Variants in IQGAP2 observed in about 807,000 individuals in gnomAD.
IQGAP2 encodes the protein IQ motif containing GTPase activating protein 2, also known as ras GTPase-activating-like protein IQGAP2.
Under a neutral mutation model 201.3 loss-of-function variants are expected in IQGAP2, and 173 were observed. The observed-to-expected ratio is 0.86, with a 90% CI of 0.76 to 0.98. The LOEUF (loss-of-function observed/expected upper bound fraction) is 0.98, where lower values mean the gene tolerates loss of function less well. Among genes scored for constraint, IQGAP2 ranks in the 50% least tolerant of loss-of-function variants. The probability of loss-of-function intolerance (pLI) is 0.00; values close to 1 mark genes in which losing one functional copy is unlikely to be tolerated. For missense variants in IQGAP2, 1,687 were observed against 1,864.8 expected (o/e 0.90, Z 1.76); for synonymous variants, 675 against 673.9 (o/e 1.00, Z -0.03).
intron 16 of IQGAP2, among the ~76,000 whole-genome samples, chr5:76,637,573 T>C (rs1751247709): frequency 6.6e-6 from 1 of 152,198 alleles, no homozygotes. Context: ...CAAACCAAAA[T>C]GTCATTTTTT....
At chr5:76,650,867 T>C (rs758596551) in intron 17 of IQGAP2, among the ~76,000 whole-genome samples, 13 of 152,226 alleles carry the variant, frequency 8.5e-5, no homozygotes, top group Non-Finnish European at 1.5e-4. Context: ...AACATTTTAC[T>C]GGATGCACAA....
At chr5:76,557,790 G>T (rs1744048229) in intron 2 of IQGAP2, among the ~76,000 whole-genome samples, 1 of 152,124 alleles carries the variant, frequency 6.6e-6, no homozygotes, top group Non-Finnish European at 1.5e-5. Flanking sequence ...TTTGCTATCA[G>T]TGTTTTATTT....
chr5:76,664,471 G>T (rs144092693), intron 21 of IQGAP2, among the ~76,000 whole-genome samples: 1 of 152,118 alleles, frequency 6.6e-6, no homozygotes, highest in African/African-American at 2.4e-5. Flanking sequence ...GATCAAGAGG[G>T]CAGGAGATCG....
rs553154801 is a variant in IQGAP2 at position 76,703,619 on chromosome 5, A to G, written c.4614+1029A>G. Among the ~76,000 whole-genome samples the G allele has an allele frequency of 2.2e-3, 332 of 149,466 alleles. 1 individual carries two copies. Among genetic ancestry groups the G allele is most frequent in the African/African-American group, 8.0e-3 (320 of 40,110 alleles). On this transcript the variant is annotated intron_variant, in intron 35 of 35. Transcript: ENST00000274364. ...TAAGAGCCACATTTAAGCCAAATACACGTAAATGAAAACCGAGAAATCCAG... is the reference window on the plus strand; with the variant it reads ...TAAGAGCCACATTTAAGCCAAATACGCGTAAATGAAAACCGAGAAATCCAG...
intron 1 of IQGAP2, among the ~76,000 whole-genome samples, chr5:76,440,109 A>G (rs1752946736): frequency 6.6e-6 from 1 of 152,228 alleles, no homozygotes; most frequent in African/African-American, 2.4e-5. Context: ...TTCATTTATG[A>G]AGCTTAGTTT....
At chr5:76,676,002 G>C (rs1744773950) in intron 27 of IQGAP2, among the ~76,000 whole-genome samples, 1 of 151,750 alleles carries the variant, frequency 6.6e-6, no homozygotes, top group Non-Finnish European at 1.5e-5. Flanking sequence ...GATCACTTGA[G>C]CCTTGGAGGT....
chr5:76,651,188 A>G (rs456708), intron 17 of IQGAP2, among the ~76,000 whole-genome samples: 76,199 of 152,034 alleles, frequency 0.5, 19,539 homozygotes, highest in Non-Finnish European at 0.56. Flanking sequence ...GACATTTTTT[A>G]TGGAAATTTG....
intron 2 of IQGAP2, among the ~76,000 whole-genome samples, chr5:76,523,865 C>T (rs1412519191): frequency 6.6e-6 from 1 of 152,062 alleles, no homozygotes; most frequent in African/African-American, 2.4e-5. Flanking sequence ...CATCCTGATT[C>T]GGGTGATTAT....
At chr5:76,627,079 T>G (rs1750311839) in intron 13 of IQGAP2, among the ~76,000 whole-genome samples, 1 of 152,120 alleles carries the variant, frequency 6.6e-6, no homozygotes, top group African/African-American at 2.4e-5. Flanking sequence ...TGCACTGAGC[T>G]ATCTATTTTG....
At chr5:76,461,049 T>TTC (rs1438279634) in intron 1 of IQGAP2, among the ~76,000 whole-genome samples, 2 of 151,802 alleles carry the variant, frequency 1.3e-5, no homozygotes, top group African/African-American at 4.8e-5. Context: ...TGGCTAATTT[T>TTC]TTGTATTTTT....
At chr5:76,702,456 A>G (rs376268244) in intron 34 of IQGAP2, 26 bp from the exon 35 acceptor site, 4 of 1,025,584 alleles carry the variant, frequency 3.9e-6, no homozygotes, top group Admixed American at 3.5e-5. Context: ...GTAATTTCTC[A>G]TGTATGAATG....
At chr5:76,674,345 G>A (rs1201351917) in intron 26 of IQGAP2, 132 bp from the exon 27 acceptor site, 2 of 613,062 alleles carry the variant, frequency 3.3e-6, no homozygotes, top group Non-Finnish European at 5.8e-6. Flanking sequence ...TCCTTGTTAG[G>A]ATTTACATCA....
chr5:76,473,081 A>G (rs924534130), intron 2 of IQGAP2, among the ~76,000 whole-genome samples: 7 of 152,388 alleles, frequency 4.6e-5, no homozygotes, highest in African/African-American at 4.8e-5. Context: ...GGCGACAGCA[A>G]CAGTATTACA....
intron 2 of IQGAP2, among the ~76,000 whole-genome samples, chr5:76,478,190 A>G (rs1400519115): frequency 1.3e-5 from 2 of 152,098 alleles, no homozygotes; most frequent in Non-Finnish European, 2.9e-5. Context: ...ACCTGAGGCC[A>G]AGAGTTTGAG....
At chr5:76,694,122 T>C (rs1174091294) in intron 31 of IQGAP2, 1 of 152,186 alleles carries the variant, frequency 6.6e-6, no homozygotes, top group Non-Finnish European at 1.5e-5. Context: ...GGAATCCTTG[T>C]AATAGTTTTT....
At chr5:76,474,830 AGCC>A (rs947285283) in intron 2 of IQGAP2, among the ~76,000 whole-genome samples, 2 of 152,192 alleles carry the variant, frequency 1.3e-5, no homozygotes, top group African/African-American at 2.4e-5. Context: ...CTCCTGCCTC[AGCC>A]TCCCAAGTAG....
chr5:76,571,566 A>G (rs912512561), intron 4 of IQGAP2, among the ~76,000 whole-genome samples: 1 of 152,214 alleles, frequency 6.6e-6, no homozygotes, highest in African/African-American at 2.4e-5. Context: ...GATCTCCTAA[A>G]TATAATTTAA....
intron 2 of IQGAP2, among the ~76,000 whole-genome samples, chr5:76,501,823 G>A (rs766069317): frequency 3.3e-5 from 5 of 151,552 alleles, no homozygotes; most frequent in Non-Finnish European, 5.9e-5. Context: ...TGTGTTTTTC[G>A]TAGAGGCGGG....
chr5:76,623,264 T>C (rs1467079034), intron 13 of IQGAP2: 42 of 1,611,482 alleles, frequency 2.6e-5, no homozygotes, highest in Non-Finnish European at 3.6e-5. Flanking sequence ...TTAAACGTTA[T>C]GAAATCTGTA....
Sources: allele counts gnomAD v4.1 joint callset (sites outside exome capture counted in the v4.1 genomes callset), GRCh38; gene constraint gnomAD v4.1.1; transcripts MANE v1.5; gene names NCBI Gene and HGNC (gene_info 2026-07-23, HGNC 2026-07-21).